TBCK: variants seen among roughly 807,000 people sequenced by gnomAD.
TBCK encodes the protein TBC1 domain containing kinase, also known as TBC domain-containing protein kinase-like protein.
In TBCK, 99 loss-of-function variants were observed where a neutral mutation model predicts 113.4. That is an observed-to-expected ratio of 0.87 (90% CI 0.74 to 1.03). TBCK has a LOEUF of 1.03. Ranked by LOEUF, TBCK falls within the 50% of genes least tolerant of loss-of-function variation. The pLI, the probability that TBCK is intolerant of heterozygous loss-of-function variation, is 0.00. For synonymous variants in TBCK, 369 were observed against 370.8 expected (o/e 1.00, Z 0.05); for missense variants, 1,045 against 1,061.3 (o/e 0.98, Z 0.21).
At chr4:106,294,462 T>C (rs1310079308) in intron 3 of TBCK, among the ~76,000 whole-genome samples, 1 of 150,818 alleles carries the variant, frequency 6.6e-6, no homozygotes, top group Non-Finnish European at 1.5e-5. Context: ...CCCACTCTTA[T>C]ACTAAAAATA....
intron 25 of TBCK, among the ~76,000 whole-genome samples, chr4:106,056,261 T>G (rs1375698120): frequency 6.7e-6 from 1 of 149,232 alleles, no homozygotes; most frequent in Non-Finnish European, 1.5e-5. Context: ...AGGTCTTTTT[T>G]TAATTAATTT....
chr4:106,233,354 C>T (rs928821959), intron 16 of TBCK, among the ~76,000 whole-genome samples: 1 of 151,912 alleles, frequency 6.6e-6, no homozygotes, highest in African/African-American at 2.4e-5. Context: ...AAATGAAGGG[C>T]AAATTTTTCA....
At chr4:106,165,556 A>G (rs1466470801) in intron 23 of TBCK, among the ~76,000 whole-genome samples, 2 of 151,768 alleles carry the variant, frequency 1.3e-5, no homozygotes, top group African/African-American at 4.8e-5. Context: ...ATACTAGAAC[A>G]TCATGTCCTT....
At chr4:106,099,591 C>A (rs1490146283) in intron 24 of TBCK, among the ~76,000 whole-genome samples, 1 of 152,120 alleles carries the variant, frequency 6.6e-6, no homozygotes, top group Admixed American at 6.6e-5. Flanking sequence ...TCATGATTTT[C>A]TTTGCTAAAT....
At chr4:106,122,822 A>T (rs1052311938) in intron 23 of TBCK, among the ~76,000 whole-genome samples, 1 of 152,194 alleles carries the variant, frequency 6.6e-6, no homozygotes, top group African/African-American at 2.4e-5. Context: ...ACAAAATTCA[A>T]CAACCCTTCA....
intron 3 of TBCK, among the ~76,000 whole-genome samples, chr4:106,290,827 G>C (rs887459176): frequency 1.3e-5 from 2 of 152,188 alleles, no homozygotes; most frequent in African/African-American, 2.4e-5. Flanking sequence ...CAGCAGCACT[G>C]ATTCTCATAG....
Position 106,247,151 on chromosome 4 carries a change from G to C in TBCK, c.919C>G (p.Gln307Glu). Reference protein sequence around the residue: ...ADLTLPEDISQLCKDINNDYL... With the variant: ...ADLTLPEDISELCKDINNDYL... Reference sequence around the variant, plus strand: ...AATTTATCATTACCTTTACACAACTGACTGATATCCTCAGGCAGAGTTAAA... The same window carrying C: ...AATTTATCATTACCTTTACACAACTCACTGATATCCTCAGGCAGAGTTAAA... The change falls in exon 10 of 26, where the codon CAG becomes GAG. Residue 307 changes from glutamine to glutamate, a missense_variant. Physicochemically the swap from Gln to Glu is conservative, Grantham distance 29. Transcript: ENST00000394708. The C allele has an allele frequency of 6.2e-7, 1 of 1,612,510 alleles. No individual in the cohort carries two copies. Among genetic ancestry groups the C allele is most frequent in the Non-Finnish European group, 8.5e-7 (1 of 1,179,456 alleles).
rs189256456 is a variant in TBCK, at chr4:106,123,647, A to G, written c.2236-7269T>C. ...ATACTACAAGGCTACAGTAACCAAA[A>G]GAGAGATATAGATCAATGGAACAGA... On this transcript the variant is annotated intron_variant, in intron 23 of 25. Transcript: ENST00000394708. 3.9e-3 allele frequency among the ~76,000 whole-genome samples: 596 copies of G among 152,238 alleles called. 7 individuals are homozygous for G. Among genetic ancestry groups the G allele is most frequent in the African/African-American group, 0.014 (568 of 41,496 alleles).
intron 23 of TBCK, among the ~76,000 whole-genome samples, chr4:106,130,093 C>T (rs745575340): frequency 6.6e-6 from 1 of 152,028 alleles, no homozygotes; most frequent in African/African-American, 2.4e-5. Flanking sequence ...GCTTTCATTT[C>T]CCCCCAAAGT....
At chr4:106,316,598 A>T (rs1006440156), upstream of TBCK, 11 of 1,551,112 alleles carry the variant, frequency 7.1e-6, no homozygotes. Flanking sequence ...GCTTCATGTG[A>T]GTGACGTCGT....
intron 22 of TBCK, among the ~76,000 whole-genome samples, chr4:106,185,801 G>T (rs989796291): frequency 1.3e-5 from 2 of 152,066 alleles, no homozygotes; most frequent in African/African-American, 4.8e-5. Context: ...GTGCTGCAGA[G>T]GTTTGGTGTA....
chr4:106,233,042 C>T lies in TBCK; in HGVS notation c.1535G>A (p.Cys512Tyr). The T allele has an allele frequency of 1.2e-6, 2 of 1,611,404 alleles. No homozygotes were observed. The highest frequency in any genetic ancestry group is 1.7e-6 in the Non-Finnish European group (2 of 1,178,382). The part of the protein sequence containing the change: ...DRQIEVDIPR[C>Y]HQYDELLSSP... ...TGATAACAGTTCATCGTACTGATGACAGCGAGGAATATCCACTTCAATCTG... is the reference window on the plus strand; with the variant it reads ...TGATAACAGTTCATCGTACTGATGATAGCGAGGAATATCCACTTCAATCTG... The change falls in exon 17 of 26, where the codon TGT (cysteine) becomes TAT (tyrosine). Residue 512 changes from cysteine to tyrosine, a missense_variant. Cys to Tyr is a radical substitution (Grantham distance 194). Coordinates refer to ENST00000394708, the MANE Select transcript of TBCK (RefSeq NM_001163435.3).
rs563721535 is a variant in TBCK at position 106,289,672 on chromosome 4, A to C, written c.266+5422T>G. 1.1e-3 allele frequency among the ~76,000 whole-genome samples: 162 copies of C among 151,502 alleles called. 1 individual carries two copies. The highest frequency in any genetic ancestry group is 3.4e-3 in the Middle Eastern group (1 of 294). On this transcript the variant is annotated intron_variant, in intron 3 of 25. Transcript: ENST00000394708. Reference sequence around the variant, plus strand: ...AGTCCCAGCTGCTCAGGAGGCTGAGACAGAAGAATCACTTGAACCCGGGAG... The same window carrying C: ...AGTCCCAGCTGCTCAGGAGGCTGAGCCAGAAGAATCACTTGAACCCGGGAG...
In TBCK at chr4:106,193,700, G is replaced by A. The variant is rs568930497; in HGVS notation, c.1968C>T (p.Phe656=). Residue 656 remains phenylalanine, a synonymous_variant, in exon 22 of 26, where the codon TTC becomes TTT. Coordinates refer to ENST00000394708, the MANE Select transcript of TBCK (RefSeq NM_001163435.3). The part of the protein sequence containing the change: ...TLLLGNSSFP[F]CIGVAILQQL... ...GCTGAAGAATTGCTACTCCAATACA[G>A]AATGGGAAAGAGGAATTCCCAAGTA... The A allele has an allele frequency of 2.8e-5, 45 of 1,611,876 alleles. No individual in the cohort carries two copies. Among genetic ancestry groups the A allele is most frequent in the Non-Finnish European group, 3.6e-5 (43 of 1,179,160 alleles).
At chr4:106,134,115 T>C (rs1056053519) in intron 23 of TBCK, among the ~76,000 whole-genome samples, 12 of 152,186 alleles carry the variant, frequency 7.9e-5, no homozygotes, top group African/African-American at 2.7e-4. Flanking sequence ...CTAAATAGTT[T>C]GTTTCAACAT....
intron 3 of TBCK, among the ~76,000 whole-genome samples, chr4:106,284,158 A>G (rs1427039330): frequency 6.6e-6 from 1 of 152,180 alleles, no homozygotes; most frequent in African/African-American, 2.4e-5. Flanking sequence ...TCTAATTCAC[A>G]TGACTTCACT....
chr4:106,087,686 T>C (rs1739670671), intron 25 of TBCK, among the ~76,000 whole-genome samples: 1 of 152,168 alleles, frequency 6.6e-6, no homozygotes, highest in Non-Finnish European at 1.5e-5. Context: ...CAAACTATAC[T>C]ACATGGCTAC....
intron 5 of TBCK, among the ~76,000 whole-genome samples, chr4:106,255,907 T>C (rs1761934855): frequency 6.6e-6 from 1 of 152,104 alleles, no homozygotes. Context: ...TGGCAGGGTG[T>C]CCCAAGGAGT....
At chr4:106,057,788 T>C (rs938240309) in intron 25 of TBCK, among the ~76,000 whole-genome samples, 2 of 151,956 alleles carry the variant, frequency 1.3e-5, no homozygotes, top group East Asian at 1.9e-4. Context: ...AAATCTCATA[T>C]AGCACATGTC....
Sources: allele counts gnomAD v4.1 joint callset (sites outside exome capture counted in the v4.1 genomes callset), GRCh38; gene constraint gnomAD v4.1.1; transcripts MANE v1.5; gene names NCBI Gene and HGNC (gene_info 2026-07-23, HGNC 2026-07-21).